The following RHOBTB3 variants were observed in gnomAD, a reference collection of about 807,000 sequenced individuals.
The protein encoded by RHOBTB3 is Rho related BTB domain containing 3.
A neutral mutation model predicts 67.2 loss-of-function variants in RHOBTB3; 47 were observed. The observed-to-expected ratio is 0.70, with a 90% confidence interval of 0.55 to 0.89. The LOEUF is 0.89. Ranked by LOEUF, RHOBTB3 falls within the 40% of genes least tolerant of loss-of-function variation. The pLI is 0.00. For synonymous variants in RHOBTB3, 273 were observed against 274.2 expected, an observed-to-expected ratio of 1.00 and a Z score of 0.04; for missense variants, 631 against 750.0, an observed-to-expected ratio of 0.84 and a Z score of 1.85.
intron 3 of RHOBTB3, among the ~76,000 whole-genome samples, chr5:95,740,749 A>G (rs955543813): frequency 5.9e-5 from 9 of 152,228 alleles, no homozygotes. Flanking sequence ...ATGGCGCTCA[A>G]TGCTTTGAAT....
intron 1 of RHOBTB3, among the ~76,000 whole-genome samples, chr5:95,722,681 G>C (rs1399450264): frequency 2.0e-5 from 3 of 152,158 alleles, no homozygotes; most frequent in Non-Finnish European, 4.4e-5. Flanking sequence ...GTAGAGGCAG[G>C]GTTTCACCTT....
rs547802671 is a variant in RHOBTB3 at position 95,740,857 on chromosome 5, A to T, written c.415+3782A>T. Reference sequence around the variant, plus strand: ...ATTGAACCCTAGATTTTATAAACACACACACACACACTTTTTTTTGGCTGA... The same window carrying T: ...ATTGAACCCTAGATTTTATAAACACTCACACACACACTTTTTTTTGGCTGA... On this transcript the variant is annotated intron_variant, in intron 3 of 11. Coordinates refer to ENST00000379982, the MANE Select transcript of RHOBTB3 (RefSeq NM_014899.4). Among the ~76,000 whole-genome samples the T allele has an allele frequency of 3.9e-5, 6 of 152,320 alleles. 1 individual carries two copies. The highest frequency in any genetic ancestry group is 1.4e-4 in the African/African-American group (6 of 41,558).
At chr5:95,745,678 C>T (rs954576447) in intron 3 of RHOBTB3, among the ~76,000 whole-genome samples, 2 of 152,064 alleles carry the variant, frequency 1.3e-5, no homozygotes, top group Middle Eastern at 3.4e-3. Context: ...TTTATGATAA[C>T]ATCTTAAGCA....
chr5:95,718,765 C>G (rs1351009114), intron 1 of RHOBTB3, among the ~76,000 whole-genome samples: 1 of 152,156 alleles, frequency 6.6e-6, no homozygotes, highest in East Asian at 1.9e-4. Flanking sequence ...GCTATGAGAA[C>G]AGACAAGAGA....
At chr5:95,730,481 C>G (rs1445750855), upstream of RHOBTB3, among the ~76,000 whole-genome samples, 1 of 152,112 alleles carries the variant, frequency 6.6e-6, no homozygotes, top group African/African-American at 2.4e-5. Flanking sequence ...ATATTCATAG[C>G]CTTTACTTCA....
upstream of RHOBTB3, among the ~76,000 whole-genome samples, chr5:95,730,502 A>G (rs2112762832): frequency 6.6e-6 from 1 of 152,322 alleles, no homozygotes; most frequent in South Asian, 2.1e-4. Context: ...GTGCATTATT[A>G]TGAAAGAATC....
In RHOBTB3 at chr5:95,752,141, C is replaced by T. The variant is rs144858132; in HGVS notation, c.571-98C>T. 935 of 716,206 alleles carry T rather than the reference C, an allele frequency of 1.3e-3. 9 individuals carry two copies. The African/African-American group carries it at 0.015, about 12-fold the overall frequency. 44.4% of individuals were successfully genotyped at this position (716,206 alleles called of 1,614,324 possible). On this transcript the variant is annotated intron_variant, in intron 4 of 11. Transcript: ENST00000379982. ...AATGCATACGTATAAATGGTACTGACGTTTAAAATGTTTGACAATTGTGAC... is the reference window on the plus strand; with the variant it reads ...AATGCATACGTATAAATGGTACTGATGTTTAAAATGTTTGACAATTGTGAC...
intron 3 of RHOBTB3, among the ~76,000 whole-genome samples, chr5:95,743,057 C>T (rs1384209625): frequency 1.3e-5 from 2 of 151,746 alleles, no homozygotes; most frequent in East Asian, 3.9e-4. Context: ...GGGGACAGAG[C>T]GAGACTCCAT....
At chr5:95,779,810 G>A (rs144919643) in intron 8 of RHOBTB3, among the ~76,000 whole-genome samples, 4 of 152,256 alleles carry the variant, frequency 2.6e-5, no homozygotes, top group South Asian at 2.1e-4. Flanking sequence ...ACAGTTTCCT[G>A]TTTCAGATAA....
intron 8 of RHOBTB3, among the ~76,000 whole-genome samples, chr5:95,779,748 A>G (rs1745995288): frequency 1.3e-5 from 2 of 152,080 alleles, no homozygotes; most frequent in African/African-American, 4.8e-5. Context: ...TCCACAAGAG[A>G]TCCTCTTGCT....
intron 2 of RHOBTB3, 66 bp downstream of exon 2, chr5:95,732,150 C>G (rs1358716383): frequency 7.1e-7 from 1 of 1,413,940 alleles, no homozygotes; most frequent in Non-Finnish European, 9.9e-7. Flanking sequence ...TTTCCCCCTC[C>G]CCCTTCTGCC....
intron 8 of RHOBTB3, 56 bp downstream of exon 8, chr5:95,768,222 C>T (rs1745606479): frequency 1.3e-6 from 2 of 1,529,038 alleles, no homozygotes; most frequent in South Asian, 2.4e-5. Flanking sequence ...GTTTTCTTTC[C>T]TTGCTTTCTA....
chr5:95,724,959 G>A (rs1246786212), intron 1 of RHOBTB3, among the ~76,000 whole-genome samples: 1 of 151,856 alleles, frequency 6.6e-6, no homozygotes, highest in Non-Finnish European at 1.5e-5. Context: ...AGGCTGAGGT[G>A]AGAGAATCAA....
rs1029065560 is a variant in RHOBTB3 at position 95,731,436 on chromosome 5, G to A, written c.-247G>A. The A allele has an allele frequency of 8.3e-7, 1 of 1,201,180 alleles. No individual in the cohort carries two copies. Among genetic ancestry groups the A allele is most frequent in the Non-Finnish European group, 1.0e-6 (1 of 971,130 alleles). 74.4% of individuals were successfully genotyped at this position (1,201,180 alleles called of 1,614,324 possible). On this transcript the variant is annotated 5_prime_UTR_variant, in exon 1 of 12. It removes an upstream start codon present in the reference 5' UTR. Transcript: ENST00000379982. ...GTGCGGCGGTCCCGCGCCCGGCGAT[G>A]TTCCCGGGCACTCCCTGAGTAGCGG...
chr5:95,792,003 A>C (rs915342649), intron 11 of RHOBTB3, among the ~76,000 whole-genome samples: 2 of 152,126 alleles, frequency 1.3e-5, no homozygotes, highest in African/African-American at 4.8e-5. Flanking sequence ...AATGCCTCTG[A>C]CAGTTGTGCT....
chr5:95,735,946 CA>C, intron 2 of RHOBTB3, among the ~76,000 whole-genome samples: 1 of 152,114 alleles, frequency 6.6e-6, no homozygotes, highest in Non-Finnish European at 1.5e-5. Context: ...TGCTAAAGTA[CA>C]AAAAAATTAG....
chr5:95,732,361 A>G (rs1311863576), intron 2 of RHOBTB3: 4 of 581,302 alleles, frequency 6.9e-6, no homozygotes, highest in Admixed American at 6.1e-5. Context: ...TAGGCAGCAG[A>G]CAGTTGAATG....
intron 8 of RHOBTB3, among the ~76,000 whole-genome samples, chr5:95,778,165 G>A (rs575388327): frequency 6.6e-6 from 1 of 151,720 alleles, no homozygotes; most frequent in Non-Finnish European, 1.5e-5. Context: ...ATAGGAGATT[G>A]GTTCCAAGGA....
intron 2 of RHOBTB3, chr5:95,732,514 A>C (rs1490665427): frequency 7.5e-6 from 2 of 264,940 alleles, no homozygotes; most frequent in Non-Finnish European, 1.4e-5. Context: ...AATACTTTTC[A>C]CTGGGACAGT....
Sources: gnomAD v4.1 joint callset for allele counts (sites outside exome capture counted in the v4.1 genomes callset) on GRCh38, gnomAD v4.1.1 for gene constraint, MANE v1.5 for transcripts, NCBI Gene and HGNC (gene_info 2026-07-23, HGNC 2026-07-21) for gene names.